BTNL3: variants seen among roughly 807,000 people sequenced by gnomAD.
BTNL3 encodes the protein butyrophilin like 3.
In BTNL3, 20 loss-of-function variants were observed where a neutral mutation model predicts 40.1. The observed-to-expected ratio is 0.50, with a 90% CI of 0.35 to 0.72. The LOEUF (loss-of-function observed/expected upper bound fraction) is 0.72, where lower values mean the gene tolerates loss of function less well. Ranked by LOEUF, BTNL3 falls within the 30% of genes least tolerant of loss-of-function variation. The probability of loss-of-function intolerance (pLI) is 0.01; values close to 1 mark genes in which losing one functional copy is unlikely to be tolerated. For synonymous variants in BTNL3, 179 were observed against 222.1 expected, an observed-to-expected ratio of 0.81 and a Z score of 1.73; for missense variants, 449 against 582.2, an observed-to-expected ratio of 0.77 and a Z score of 2.35.
chr5:180,991,018 G>A (rs1039663975), intron 1 of BTNL3, among the ~76,000 whole-genome samples: 2 of 136,942 alleles, frequency 1.5e-5, no homozygotes, highest in Non-Finnish European at 1.7e-5. Flanking sequence ...GGGCTGAGGA[G>A]GTTCCAAAGG....
In BTNL3 at chr5:181,000,808, G is replaced by A. The variant is rs187402456; in HGVS notation, c.674-1864G>A. Among the ~76,000 whole-genome samples, 568 of 131,956 alleles carry A rather than the reference G, an allele frequency of 4.3e-3. 57 individuals carry two copies. Among genetic ancestry groups the A allele is most frequent in the African/African-American group, 0.014 (534 of 38,722 alleles). The allele number at this position is 131,956 out of a possible 152,430, so 86.6% of individuals were successfully genotyped here. Reference sequence around the variant, plus strand: ...GGCCTGGGCGACAGAGCGAGACTCCGTCTCAAAAAAAAATAAAATAAAATA... The same window carrying A: ...GGCCTGGGCGACAGAGCGAGACTCCATCTCAAAAAAAAATAAAATAAAATA... On this transcript the variant is annotated intron_variant, in intron 3 of 7. Coordinates refer to ENST00000342868, the MANE Select transcript of BTNL3 (RefSeq NM_197975.3).
In BTNL3 at chr5:181,002,436, T is replaced by C. The variant is rs1189861384; in HGVS notation, c.674-236T>C. Among the ~76,000 whole-genome samples, 4 of 95,526 alleles carry C rather than the reference T, an allele frequency of 4.2e-5. 1 individual carries two copies. Among genetic ancestry groups the C allele is most frequent in the Non-Finnish European group, 9.1e-5 (4 of 43,832 alleles). 62.7% of individuals were successfully genotyped at this position (95,526 alleles called of 152,430 possible). On this transcript the variant is annotated intron_variant, in intron 3 of 7. Transcript: ENST00000342868. ...AGATGGATCAAGACTTATAAAGAAATGCAAAGCTTTAACGCGCACACACAC... is the reference window on the plus strand; with the variant it reads ...AGATGGATCAAGACTTATAAAGAAACGCAAAGCTTTAACGCGCACACACAC...
chr5:180,995,418 G>A lies in BTNL3; in HGVS notation c.398-1795G>A, dbSNP rs1394147476. ...CCCTATGTAAAGCTTCTGTTTTGCA[G>A]GCAGTCACCATGTTTAGATTTATGA... On this transcript the variant is annotated intron_variant, in intron 2 of 7. Transcript: ENST00000342868. Among the ~76,000 whole-genome samples the A allele has an allele frequency of 2.2e-5, 3 of 136,316 alleles. 1 individual carries two copies. Among genetic ancestry groups the A allele is most frequent in the Admixed American group, 1.6e-4 (2 of 12,902 alleles). 89.4% of individuals were successfully genotyped at this position (136,316 alleles called of 152,430 possible). A position where few individuals can be genotyped will look rare whatever the true frequency, so the allele number is the denominator to read the frequency against.
At chr5:180,998,679 T>TA (rs1760065705) in intron 3 of BTNL3, among the ~76,000 whole-genome samples, 2 of 137,736 alleles carry the variant, frequency 1.5e-5, no homozygotes, top group Non-Finnish European at 3.3e-5. Context: ...AAAGATAGTT[T>TA]AAATTCTTAT....
rs1225906347 is a variant in BTNL3, at chr5:180,991,424, C to T, written c.50-1389C>T. On this transcript the variant is annotated intron_variant, in intron 1 of 7. Coordinates refer to ENST00000342868, the MANE Select transcript of BTNL3 (RefSeq NM_197975.3). ...GGATACATGTGAATGAATCAAGAGA[C>T]ACTGCCAATCAAAGGGGGTGGGTAC... Among the ~76,000 whole-genome samples the T allele has an allele frequency of 1.5e-5, 2 of 136,698 alleles. 1 individual carries two copies. The highest frequency in any genetic ancestry group is 3.3e-5 in the Non-Finnish European group (2 of 59,744). The allele number at this position is 136,698 out of a possible 152,430, so 89.7% of individuals were successfully genotyped here. A position where few individuals can be genotyped will look rare whatever the true frequency, so the allele number is the denominator to read the frequency against.
intron 1 of BTNL3, 83 bp from the exon 2 acceptor site, chr5:180,992,730 A>G: frequency 7.2e-7 from 1 of 1,395,414 alleles, no homozygotes; most frequent in Admixed American, 2.2e-5. Context: ...CCCACCCCAT[A>G]CCCCACACTT....
In BTNL3 at chr5:180,996,780, G is replaced by GT. The variant is rs927499817; in HGVS notation, c.398-431dup. On this transcript the variant is annotated intron_variant, in intron 2 of 7. Coordinates refer to ENST00000342868, the MANE Select transcript of BTNL3 (RefSeq NM_197975.3). ...CAGGAAGCTGTGCCTTTCCCTGACA[G>GT]TTAAGCACTCTTCTCTGTGCTAACC... Among the ~76,000 whole-genome samples the GT allele has an allele frequency of 8.0e-5, 11 of 136,820 alleles. 2 individuals are homozygous for GT. Among genetic ancestry groups the GT allele is most frequent in the African/African-American group, 2.5e-4 (10 of 39,828 alleles). The allele number at this position is 136,820 out of a possible 152,430, so 89.8% of individuals were successfully genotyped here.
Position 180,988,906 on chromosome 5 carries a change from A to T in BTNL3, c.-123A>T. 1 of 1,119,878 alleles carries T rather than the reference A, an allele frequency of 8.9e-7. No individual in the cohort carries two copies. Among genetic ancestry groups the T allele is most frequent in the Middle Eastern group, 2.2e-4 (1 of 4,516 alleles). 69.4% of individuals were successfully genotyped at this position (1,119,878 alleles called of 1,614,324 possible). The stretch of plus-strand genomic sequence containing the variant: ...TCTAGGGAGAAATGCACAGTTTGAC[A>T]TCGTTCATGAAGAGCCTCTCCACGG... On this transcript the variant is annotated 5_prime_UTR_variant, in exon 1 of 8. Transcript: ENST00000342868.
Position 181,000,484 on chromosome 5 carries a change from G to A in BTNL3, c.674-2188G>A, listed in dbSNP as rs532600405. Among the ~76,000 whole-genome samples, 16 of 136,832 alleles carry A rather than the reference G, an allele frequency of 1.2e-4. 4 individuals are homozygous for A. In the South Asian group the frequency reaches 1.3e-3, roughly 11 times the overall value. 89.8% of individuals were successfully genotyped at this position (136,832 alleles called of 152,430 possible). On this transcript the variant is annotated intron_variant, in intron 3 of 7. Coordinates refer to ENST00000342868, the MANE Select transcript of BTNL3 (RefSeq NM_197975.3). ...CCACCTAATTTTTTAAATACATACCGAAAACATTATACATAATGTGTCATT... is the reference window on the plus strand; with the variant it reads ...CCACCTAATTTTTTAAATACATACCAAAAACATTATACATAATGTGTCATT...
rs1314287586 is a variant in BTNL3 at position 180,989,139 on chromosome 5, A to C, written c.49+62A>C. 3.6e-6 allele frequency: 5 copies of C among 1,379,950 alleles called. No individual in the cohort carries two copies. The East Asian group carries it at 1.3e-4, about 37-fold the overall frequency. 85.5% of individuals were successfully genotyped at this position (1,379,950 alleles called of 1,614,324 possible). On this transcript the variant is annotated intron_variant, in intron 1 of 7. Coordinates refer to ENST00000342868, the MANE Select transcript of BTNL3 (RefSeq NM_197975.3). ...GTTGAATAATATTTTGAGTTCATTC[A>C]TGACAATGATCTCAGCACAGTGAGA...
chr5:181,003,953 G>C, intron 5 of BTNL3, 77 bp downstream of exon 5: 1 of 1,612,492 alleles, frequency 6.2e-7, no homozygotes, highest in Non-Finnish European at 8.5e-7. Flanking sequence ...GCCTCTGGAC[G>C]ACCCTGGCTG....
intron 2 of BTNL3, among the ~76,000 whole-genome samples, chr5:180,994,934 T>C (rs1295685133): frequency 2.2e-5 from 3 of 135,244 alleles, no homozygotes; most frequent in South Asian, 4.4e-4. Context: ...TACAGGCACC[T>C]GCCACCACGC....
rs747875723 is a variant in BTNL3 at position 181,005,627 on chromosome 5, C to T, written c.1156C>T (p.His386Tyr). The part of the protein sequence containing the change: ...GYWVLRLTTE[H>Y]LYFTFNPHFI... ...TTGGGTCCTCAGACTGACAACAGAA[C>T]ATTTGTATTTCACATTCAATCCCCA... Residue 386 changes from histidine to tyrosine, a missense_variant, in exon 8 of 8, where the codon CAT becomes TAT. By Grantham distance (83) the His-to-Tyr change is moderately conservative. Coordinates refer to ENST00000342868, the MANE Select transcript of BTNL3 (RefSeq NM_197975.3). The T allele has an allele frequency of 2.5e-6, 4 of 1,613,928 alleles. No homozygotes were observed. The highest frequency in any genetic ancestry group is 3.4e-6 in the Non-Finnish European group (4 of 1,179,996).
rs142449053 is a variant in BTNL3, at chr5:180,996,620, A to T, written c.398-593A>T. Among the ~76,000 whole-genome samples, 5 of 136,452 alleles carry T rather than the reference A, an allele frequency of 3.7e-5. 1 individual carries two copies. The highest frequency in any genetic ancestry group is 1.3e-4 in the African/African-American group (5 of 39,792). The allele number at this position is 136,452 out of a possible 152,430, so 89.5% of individuals were successfully genotyped here. A position where few individuals can be genotyped will look rare whatever the true frequency, so the allele number is the denominator to read the frequency against. On this transcript the variant is annotated intron_variant, in intron 2 of 7. Coordinates refer to ENST00000342868, the MANE Select transcript of BTNL3 (RefSeq NM_197975.3). Reference sequence around the variant, plus strand: ...GAATATAAATATTCATGAGTCCTTGAAATCACTGTGGCATGTTAACTTTTC... The same window carrying T: ...GAATATAAATATTCATGAGTCCTTGTAATCACTGTGGCATGTTAACTTTTC...
Position 180,997,242 on chromosome 5 carries a change from G to C in BTNL3, c.427G>C (p.Val143Leu), listed in dbSNP as rs757711506. 9 of 1,464,208 alleles carry C rather than the reference G, an allele frequency of 6.1e-6. No homozygotes were observed. Among genetic ancestry groups the C allele is most frequent in the Non-Finnish European group, 7.6e-6 (8 of 1,059,294 alleles). The allele number at this position is 1,464,208 out of a possible 1,614,324, so 90.7% of individuals were successfully genotyped here. ...ALGSLPLISI[V>L]GYVDGGIQLL... ...GGGCTCACTTCCTCTCATTTCCATC[G>C]TGGGATATGTTGACGGAGGTATCCA... Residue 143 changes from valine to leucine, a missense_variant, in exon 3 of 8, where the codon GTG becomes CTG. Val to Leu is a conservative substitution (Grantham distance 32, BLOSUM62 1). This residue lies in a region of BTNL3 where 323 missense variants were observed against 464.9 expected (regional missense o/e 0.69). Coordinates refer to ENST00000342868, the MANE Select transcript of BTNL3 (RefSeq NM_197975.3).
intron 5 of BTNL3, 198 bp downstream of exon 5, chr5:181,004,074 G>A: frequency 1.4e-6 from 2 of 1,469,500 alleles, no homozygotes; most frequent in South Asian, 1.3e-5. Context: ...TAGGCCCCGG[G>A]GCCTGGAAGT....
chr5:181,005,045 G>C (rs545387819), intron 7 of BTNL3, among the ~76,000 whole-genome samples: 1 of 152,118 alleles, frequency 6.6e-6, no homozygotes, highest in Non-Finnish European at 1.5e-5. Flanking sequence ...AGCAGGAACT[G>C]GTGGGTGGAA....
chr5:180,994,706 GT>G (rs1364405303), intron 2 of BTNL3, among the ~76,000 whole-genome samples: 1 of 133,672 alleles, frequency 7.5e-6, no homozygotes, highest in East Asian at 2.2e-4. Context: ...TTGAGGATCT[GT>G]TTTTCCCTTT....
At chr5:180,990,663 G>A (rs1759957390) in intron 1 of BTNL3, among the ~76,000 whole-genome samples, 1 of 138,102 alleles carries the variant, frequency 7.2e-6, no homozygotes, top group South Asian at 2.2e-4. Flanking sequence ...GTCTCACACA[G>A]CCTTGAAGGC....
Sources: allele counts gnomAD v4.1 joint callset (sites outside exome capture counted in the v4.1 genomes callset), GRCh38; gene constraint gnomAD v4.1.1; regional missense constraint gnomAD v4.1.1; transcripts MANE v1.5; gene names NCBI Gene and HGNC (gene_info 2026-07-23, HGNC 2026-07-21).